KCNQ1: variants seen among roughly 807,000 people sequenced by gnomAD.
The protein encoded by KCNQ1 is potassium voltage-gated channel subfamily KQT member 1.
In KCNQ1, 49 loss-of-function variants were observed where a neutral mutation model predicts 72.4. That is an observed-to-expected ratio of 0.68 (90% CI 0.54 to 0.86). The LOEUF (loss-of-function observed/expected upper bound fraction) is 0.86, where lower values mean the gene tolerates loss of function less well. KCNQ1 is among the 40% of genes least tolerant of loss of function. The probability of loss-of-function intolerance (pLI) is 0.00; values close to 1 mark genes in which losing one functional copy is unlikely to be tolerated. For synonymous variants in KCNQ1, 450 were observed against 412.6 expected, an observed-to-expected ratio of 1.09 and a Z score of -1.10; for missense variants, 790 against 945.1, an observed-to-expected ratio of 0.84 and a Z score of 2.15.
Position 2,624,393 on chromosome 11 carries a change from T to C in KCNQ1, c.1393+35539T>C. The C allele has an allele frequency of 2.5e-6, 1 of 398,544 alleles. No homozygotes were observed. The highest frequency in any genetic ancestry group is 4.4e-6 in the Non-Finnish European group (1 of 226,022). The allele number at this position is 398,544 out of a possible 1,614,324, so 24.7% of individuals were successfully genotyped here. A position where few individuals can be genotyped will look rare whatever the true frequency, so the allele number is the denominator to read the frequency against. On this transcript the variant is annotated intron_variant, in intron 10 of 15. Coordinates refer to ENST00000155840, the MANE Select transcript of KCNQ1 (RefSeq NM_000218.3). This position sits in a 1 kb window ranked among gnomAD's most constrained non-coding sequence, Gnocchi z 4.9. ...TCCTTTCATCCTCTTGACAGTATGTTTTACAGAGCAGAAACTTTTATTTTT... is the reference window on the plus strand; with the variant it reads ...TCCTTTCATCCTCTTGACAGTATGTCTTACAGAGCAGAAACTTTTATTTTT...
chr11:2,687,834 C>A lies in KCNQ1; in HGVS notation c.1514+25753C>A. 1 of 398,758 alleles carries A rather than the reference C, an allele frequency of 2.5e-6. No homozygotes were observed. The allele number at this position is 398,758 out of a possible 1,614,324, so 24.7% of individuals were successfully genotyped here. On this transcript the variant is annotated intron_variant, in intron 11 of 15. Coordinates refer to ENST00000155840, the MANE Select transcript of KCNQ1 (RefSeq NM_000218.3). This position sits in a 1 kb window ranked among gnomAD's most constrained non-coding sequence, Gnocchi z 5.0. The stretch of plus-strand genomic sequence containing the variant: ...CTCCTCTGCCCCAACTGGCTCCAGG[C>A]CAAACTCTGGTTCCTGAGGAGCCTC...
intron 11 of KCNQ1, chr11:2,665,010 T>C: frequency 2.5e-6 from 1 of 398,590 alleles, no homozygotes; most frequent in Non-Finnish European, 4.4e-6. Flanking sequence ...CGGGGCCTGT[T>C]AGCCAGAGGT....
chr11:2,571,949 T>C, intron 4 of KCNQ1, 64 bp from the exon 5 acceptor site: 2 of 1,425,026 alleles, frequency 1.4e-6, no homozygotes, highest in Non-Finnish European at 2.0e-6. Flanking sequence ...CGGCCAGCCC[T>C]AGGCCCGGCG....
intron 1 of KCNQ1, among the ~76,000 whole-genome samples, chr11:2,522,112 C>A (rs1007793987): frequency 1.3e-5 from 2 of 152,224 alleles, no homozygotes; most frequent in Non-Finnish European, 2.9e-5. Context: ...TGGTACTCGC[C>A]GTCACTGCTC....
rs2133850601 is a variant in KCNQ1 at position 2,657,534 on chromosome 11, C to G, written c.1394-4427C>G. 5.0e-6 allele frequency: 2 copies of G among 398,548 alleles called. No homozygotes were observed. Among genetic ancestry groups the G allele is most frequent in the South Asian group, 1.3e-4 (1 of 7,848 alleles). 24.7% of individuals were successfully genotyped at this position (398,548 alleles called of 1,614,324 possible). On this transcript the variant is annotated intron_variant, in intron 10 of 15. Transcript: ENST00000155840. This position sits in a 1 kb window ranked among gnomAD's most constrained non-coding sequence, Gnocchi z 4.8. Reference sequence around the variant, plus strand: ...AGAAACAAAAATAGTACCGAGTACCCACATCCCTTTCACCAGCTTCCCCTA... The same window carrying G: ...AGAAACAAAAATAGTACCGAGTACCGACATCCCTTTCACCAGCTTCCCCTA...
At chr11:2,733,362 C>T (rs560404382) in intron 11 of KCNQ1, among the ~76,000 whole-genome samples, 4 of 152,234 alleles carry the variant, frequency 2.6e-5, no homozygotes, top group East Asian at 1.9e-4. Context: ...ACTGCGACCC[C>T]GACCCTCACT....
In KCNQ1 at chr11:2,762,344, T is replaced by G. The variant is rs1391006275; in HGVS notation, c.1515-6500T>G. 6.6e-6 allele frequency among the ~76,000 whole-genome samples: 1 copy of G among 152,238 alleles called. No individual in the cohort carries two copies. Among genetic ancestry groups the G allele is most frequent in the Non-Finnish European group, 1.5e-5 (1 of 68,044 alleles). Reference sequence around the variant, plus strand: ...TTCTTCGACAGGCCCGATTGCCTCATAGTTAGGCCTGTGACTCTCCCTGGG... The same window carrying G: ...TTCTTCGACAGGCCCGATTGCCTCAGAGTTAGGCCTGTGACTCTCCCTGGG... On this transcript the variant is annotated intron_variant, in intron 11 of 15. Coordinates refer to ENST00000155840, the MANE Select transcript of KCNQ1 (RefSeq NM_000218.3). The surrounding 1 kb of genome is among the most constrained non-coding windows in gnomAD (Gnocchi z 4.3).
Position 2,613,328 on chromosome 11 carries a change from T to G in KCNQ1, c.1393+24474T>G, listed in dbSNP as rs964612314. The G allele has an allele frequency of 2.5e-6, 1 of 398,490 alleles. No individual in the cohort carries two copies. Among genetic ancestry groups the G allele is most frequent in the African/African-American group, 2.1e-5 (1 of 48,632 alleles). 24.7% of individuals were successfully genotyped at this position (398,490 alleles called of 1,614,324 possible). A position where few individuals can be genotyped will look rare whatever the true frequency, so the allele number is the denominator to read the frequency against. On this transcript the variant is annotated intron_variant, in intron 10 of 15. Transcript: ENST00000155840. The surrounding 1 kb of genome is among the most constrained non-coding windows in gnomAD (Gnocchi z 4.8). ...CCAGAATTCCTTTTAAAATTTTTCT[T>G]AATCTGTCGCTTGCCCAACCAGTAT...
Position 2,669,500 on chromosome 11 carries a change from G to C in KCNQ1, c.1514+7419G>C. The stretch of plus-strand genomic sequence containing the variant: ...GAACAGCTTGTCAGATTCATTCCTT[G>C]TCAGCTAATGGTTTGATGTATGTTC... On this transcript the variant is annotated intron_variant, in intron 11 of 15. Transcript: ENST00000155840. This position sits in a 1 kb window ranked among gnomAD's most constrained non-coding sequence, Gnocchi z 5.6. 2.5e-6 allele frequency: 1 copy of C among 398,604 alleles called. No individual in the cohort carries two copies. The highest frequency in any genetic ancestry group is 3.6e-5 in the East Asian group (1 of 28,072). 24.7% of individuals were successfully genotyped at this position (398,604 alleles called of 1,614,324 possible). A position where few individuals can be genotyped will look rare whatever the true frequency, so the allele number is the denominator to read the frequency against.
At chr11:2,535,304 G>C (rs975763426) in intron 2 of KCNQ1, among the ~76,000 whole-genome samples, 1 of 152,216 alleles carries the variant, frequency 6.6e-6, no homozygotes, top group Non-Finnish European at 1.5e-5. Context: ...GGCAGCTGGG[G>C]ACACCCAGGT....
chr11:2,757,543 C>G (rs1029388889), intron 11 of KCNQ1, among the ~76,000 whole-genome samples: 4 of 152,148 alleles, frequency 2.6e-5, no homozygotes, highest in African/African-American at 7.2e-5. Context: ...AGAATCCTAG[C>G]AAGATTTCTT....
intron 1 of KCNQ1, chr11:2,461,766 A>G (rs746405180): frequency 1.4e-5 from 19 of 1,340,114 alleles, no homozygotes; most frequent in Middle Eastern, 2.1e-4. Flanking sequence ...GGGCAGGTGG[A>G]TGGGGGGCTG....
rs1302127579 is a variant in KCNQ1 at position 2,486,762 on chromosome 11, G to T, written c.387-41166G>T. Among the ~76,000 whole-genome samples the T allele has an allele frequency of 6.6e-6, 1 of 152,136 alleles. No homozygotes were observed. The highest frequency in any genetic ancestry group is 1.9e-4 in the East Asian group (1 of 5,194). On this transcript the variant is annotated intron_variant, in intron 1 of 15. Coordinates refer to ENST00000155840, the MANE Select transcript of KCNQ1 (RefSeq NM_000218.3). This position sits in a 1 kb window ranked among gnomAD's most constrained non-coding sequence, Gnocchi z 5.0. The stretch of plus-strand genomic sequence containing the variant: ...ATGAGACAGGGAGCAAGAGAAAGGA[G>T]GTTCCAGTCTCCTTTTAACAACCAG...
Position 2,683,813 on chromosome 11 carries a change from G to T in KCNQ1, c.1514+21732G>T. On this transcript the variant is annotated intron_variant, in intron 11 of 15. Transcript: ENST00000155840. The surrounding 1 kb of genome is among the most constrained non-coding windows in gnomAD (Gnocchi z 4.7). ...CTATACCCCAAAATCCCAGCCACTA[G>T]CTTGCAGAATGGCTTTGTTGGATTC... is the stretch of plus-strand genomic sequence containing the variant. The T allele has an allele frequency of 2.5e-6, 1 of 398,620 alleles. No homozygotes were observed. Among genetic ancestry groups the T allele is most frequent in the Non-Finnish European group, 4.4e-6 (1 of 226,082 alleles). The allele number at this position is 398,620 out of a possible 1,614,324, so 24.7% of individuals were successfully genotyped here.
At chr11:2,672,787 A>C in intron 11 of KCNQ1, 1 of 398,804 alleles carries the variant, frequency 2.5e-6, no homozygotes. Context: ...CAACAGATCC[A>C]ACCAGTCCCC....
At chr11:2,814,184 G>T (rs1189511480) in intron 15 of KCNQ1, among the ~76,000 whole-genome samples, 2 of 150,654 alleles carry the variant, frequency 1.3e-5, no homozygotes, top group East Asian at 2.0e-4. Flanking sequence ...ATGGTTGAGT[G>T]GGGGGGTAGA....
At position 2,471,713 on chromosome 11, in the gene KCNQ1, T is replaced by C. The variant is rs1219371301; in HGVS notation, c.386+26229T>C. Among the ~76,000 whole-genome samples, 2 of 144,346 alleles carry C rather than the reference T, an allele frequency of 1.4e-5. No homozygotes were observed. The highest frequency in any genetic ancestry group is 2.1e-4 in the South Asian group (1 of 4,754). The allele number at this position is 144,346 out of a possible 152,430, so 94.7% of individuals were successfully genotyped here. ...GTGTGCATGTGTGTATAGGTGTGTGTATGTGTGCATGGGCGTGTGTATGTG... is the reference window on the plus strand; with the variant it reads ...GTGTGCATGTGTGTATAGGTGTGTGCATGTGTGCATGGGCGTGTGTATGTG... On this transcript the variant is annotated intron_variant, in intron 1 of 15. Transcript: ENST00000155840. This position sits in a 1 kb window ranked among gnomAD's most constrained non-coding sequence, Gnocchi z 4.8.
At chr11:2,529,372 T>G (rs1268900741) in intron 2 of KCNQ1, among the ~76,000 whole-genome samples, 1 of 152,026 alleles carries the variant, frequency 6.6e-6, no homozygotes, top group Non-Finnish European at 1.5e-5. Context: ...CCAGTGAACG[T>G]TGCCATCACC....
At chr11:2,587,806 T>C (rs1261246838) in intron 9 of KCNQ1, 114 bp downstream of exon 9, 1 of 1,436,092 alleles carries the variant, frequency 7.0e-7, no homozygotes, top group African/African-American at 1.4e-5. Context: ...GTACAGCCTG[T>C]GTCAGGGAGT....
Sources: allele counts gnomAD v4.1 joint callset (sites outside exome capture counted in the v4.1 genomes callset), GRCh38; gene constraint gnomAD v4.1.1; non-coding constraint Gnocchi (gnomAD v3.1); transcripts MANE v1.5; gene names NCBI Gene and HGNC (gene_info 2026-07-23, HGNC 2026-07-21).